Variants in FAM177B observed in about 807,000 individuals in gnomAD.
The protein encoded by FAM177B is protein FAM177B.
In FAM177B, 16 loss-of-function variants were observed where a neutral mutation model predicts 16.1. The ratio of observed to expected loss-of-function variants is 0.99; its 90% confidence interval spans 0.67 to 1.51. The LOEUF (loss-of-function observed/expected upper bound fraction) is 1.51, where lower values mean the gene tolerates loss of function less well. FAM177B is among the 40% of genes most tolerant of loss of function. The probability of loss-of-function intolerance (pLI) is 0.00; values close to 1 mark genes in which losing one functional copy is unlikely to be tolerated. For synonymous variants in FAM177B, 56 were observed against 59.9 expected, an observed-to-expected ratio of 0.93 and a Z score of 0.30; for missense variants, 178 against 183.7, an observed-to-expected ratio of 0.97 and a Z score of 0.18.
At chr1:222,740,724 G>C (rs1273126916) in intron 2 of FAM177B, among the ~76,000 whole-genome samples, 1 of 152,148 alleles carries the variant, frequency 6.6e-6, no homozygotes, top group Non-Finnish European at 1.5e-5. Flanking sequence ...TCTTGAGACA[G>C]AGTCTCGCTC....
At chr1:222,741,920 C>CTTTCTTTCTTTCTTTCTT in intron 2 of FAM177B, among the ~76,000 whole-genome samples, 1 of 104,116 alleles carries the variant, frequency 9.6e-6, no homozygotes, top group South Asian at 3.9e-4. Context: ...CTCTCTCTCT[C>CTTTCTTTCTTTCTTTCTT]TCTCTCTCTC....
Position 222,747,046 on chromosome 1 carries a change from T to C in FAM177B, c.206T>C (p.Phe69Ser). The C allele has an allele frequency of 6.2e-7, 1 of 1,612,348 alleles. No homozygotes were observed. The highest frequency in any genetic ancestry group is 8.5e-7 in the Non-Finnish European group (1 of 1,178,496). Residue 69 changes from phenylalanine to serine, a missense_variant, in exon 4 of 6, where the codon TTT becomes TCT. Transcript: ENST00000445590. Reference sequence around the variant, plus strand: ...CTTTCCTGGGGGCCCTACCTACGATTTTGGGCAGGACGAATAGCAAGCACC... The same window carrying C: ...CTTTCCTGGGGGCCCTACCTACGATCTTGGGCAGGACGAATAGCAAGCACC... The part of the protein sequence containing the change: ...SKLSWGPYLR[F>S]WAGRIASTSF...
intron 2 of FAM177B, among the ~76,000 whole-genome samples, chr1:222,745,972 G>T (rs912643216): frequency 2.6e-5 from 4 of 152,104 alleles, no homozygotes; most frequent in African/African-American, 9.7e-5. Flanking sequence ...ATCTCATTAT[G>T]ATTTTAATTT....
chr1:222,743,073 C>T (rs1341021393), intron 2 of FAM177B, among the ~76,000 whole-genome samples: 1 of 152,164 alleles, frequency 6.6e-6, no homozygotes, highest in African/African-American at 2.4e-5. Context: ...CCTCCAGATG[C>T]CTAATTTCTT....
At position 222,742,262 on chromosome 1, in the gene FAM177B, C is replaced by T. The variant is rs551691976; in HGVS notation, c.-16+4241C>T. 1.0e-3 allele frequency among the ~76,000 whole-genome samples: 156 copies of T among 152,130 alleles called. 1 individual carries two copies. The highest frequency in any genetic ancestry group is 1.7e-3 in the Non-Finnish European group (119 of 68,006). ...GTATTGTCTGTTGCTTGAACTATTT[C>T]GTAATAATTAAACTTTGATGTTGAG... On this transcript the variant is annotated intron_variant, in intron 2 of 5. Coordinates refer to ENST00000445590, the MANE Select transcript of FAM177B (RefSeq NM_001394345.1).
chr1:222,745,942 T>G (rs1241855068), intron 2 of FAM177B, among the ~76,000 whole-genome samples: 1 of 152,098 alleles, frequency 6.6e-6, no homozygotes, highest in African/African-American at 2.4e-5. Context: ...AATTAGCCAT[T>G]ACAGTGGGTA....
At position 222,750,245 on chromosome 1, in the gene FAM177B, A is replaced by G. The variant is rs565685214; in HGVS notation, c.*187A>G. The G allele has an allele frequency of 1.2e-4, 173 of 1,394,198 alleles. No homozygotes were observed. The highest frequency in any genetic ancestry group is 1.5e-4 in the Non-Finnish European group (159 of 1,079,008). 86.4% of individuals were successfully genotyped at this position (1,394,198 alleles called of 1,614,324 possible). On this transcript the variant is annotated 3_prime_UTR_variant, in exon 6 of 6. Transcript: ENST00000445590. ...TCTCAAGCATCCAGGAATTACAAGC[A>G]ATAATGAGAGTAATTTTGGACACTT...
At chr1:222,741,930 C>T (rs1293803028) in intron 2 of FAM177B, among the ~76,000 whole-genome samples, 2 of 73,504 alleles carry the variant, frequency 2.7e-5, no homozygotes, top group East Asian at 8.4e-4. Context: ...CTCTCTCTCT[C>T]TTTCTTTCTT....
At chr1:222,748,872 AT>A (rs1447336262) in intron 4 of FAM177B, 1 of 356,924 alleles carries the variant, frequency 2.8e-6, no homozygotes, top group Admixed American at 4.2e-5. Context: ...AAATCCTCTA[AT>A]TGTAAAGGAA....
chr1:222,741,792 C>A, intron 2 of FAM177B, among the ~76,000 whole-genome samples: 1 of 128,724 alleles, frequency 7.8e-6, no homozygotes, highest in East Asian at 2.5e-4. Context: ...CTTTTTCTTT[C>A]TTTCTTTCTC....
At chr1:222,742,223 A>C (rs558100516) in intron 2 of FAM177B, among the ~76,000 whole-genome samples, 1 of 152,082 alleles carries the variant, frequency 6.6e-6, no homozygotes, top group Non-Finnish European at 1.5e-5. Flanking sequence ...CCACACTCCA[A>C]CATAAATTAT....
At chr1:222,749,805 A>G in intron 5 of FAM177B, 116 bp from the exon 6 acceptor site, 3 of 1,125,706 alleles carry the variant, frequency 2.7e-6, no homozygotes, top group Non-Finnish European at 4.0e-6. Context: ...TAGTTGGGTG[A>G]GAAGGCTCAG....
At chr1:222,747,216 C>A (rs1658841354) in intron 4 of FAM177B, 135 bp downstream of exon 4, 1 of 651,228 alleles carries the variant, frequency 1.5e-6, no homozygotes, top group African/African-American at 1.8e-5. Context: ...GCTAAGCTTT[C>A]ATTCCCAAAG....
rs1250794932 is a variant in FAM177B, at chr1:222,747,988, G to A, written c.241+907G>A. ...GACTCGGGCATGCTGACATGTGGGG[G>A]AGACCCCTTAAGAGAGCTATGAAAG... On this transcript the variant is annotated intron_variant, in intron 4 of 5. Transcript: ENST00000445590. 3.9e-5 allele frequency among the ~76,000 whole-genome samples: 6 copies of A among 152,208 alleles called. No individual in the cohort carries two copies. The East Asian group carries it at 1.2e-3, about 29-fold the overall frequency.
chr1:222,747,129 A>G, intron 4 of FAM177B, 48 bp downstream of exon 4: 1 of 1,237,772 alleles, frequency 8.1e-7, no homozygotes, highest in Non-Finnish European at 1.2e-6. Context: ...AAATATATAT[A>G]TCGATAGGCC....
Position 222,749,948 on chromosome 1 carries a change from G to T in FAM177B, c.367G>T (p.Gly123Ter). 6.2e-7 allele frequency: 1 copy of T among 1,614,104 alleles called. No individual in the cohort carries two copies. The highest frequency in any genetic ancestry group is 8.5e-7 in the Non-Finnish European group (1 of 1,179,974). The change falls in exon 6 of 6, where the codon GGA becomes TGA. Residue 123 changes from glycine (G) to a stop codon, truncating the protein, a stop_gained. Coordinates refer to ENST00000445590, the MANE Select transcript of FAM177B (RefSeq NM_001394345.1). LOFTEE classifies it low-confidence loss of function (END_TRUNC). The stretch of plus-strand genomic sequence containing the variant: ...AAGTGACAACAAAAGTGAAAGGAGA[G>T]GATCAAAGGCCCAGGCAGCTGAGGT... ...KKSDNKSERRGSKAQAAEVPN... is the reference protein window; with the variant it reads ...KKSDNKSERR
intron 4 of FAM177B, 72 bp from the exon 5 acceptor site, chr1:222,749,393 T>A (rs1393549194): frequency 4.9e-6 from 4 of 820,632 alleles, no homozygotes; most frequent in Non-Finnish European, 8.2e-6. Context: ...TAGTTTAAAC[T>A]CTGGGCATCT....
chr1:222,742,331 T>C (rs936125955), intron 2 of FAM177B, among the ~76,000 whole-genome samples: 1 of 152,210 alleles, frequency 6.6e-6, no homozygotes, highest in Non-Finnish European at 1.5e-5. Flanking sequence ...TTGAAATTCA[T>C]GGTCTTAAAG....
chr1:222,740,923 T>C (rs1401825913), intron 2 of FAM177B, among the ~76,000 whole-genome samples: 3 of 152,088 alleles, frequency 2.0e-5, no homozygotes, highest in Non-Finnish European at 4.4e-5. Context: ...ATGGTCTTGA[T>C]CTCCTGACCT....
Sources: gnomAD v4.1 joint callset for allele counts (sites outside exome capture counted in the v4.1 genomes callset) on GRCh38, gnomAD v4.1.1 for gene constraint, MANE v1.5 for transcripts, NCBI Gene and HGNC (gene_info 2026-07-23, HGNC 2026-07-21) for gene names.